Variants in FLVCR1 observed in about 807,000 individuals in gnomAD.
The protein encoded by FLVCR1 is choline/ethanolamine transporter FLVCR1.
A neutral mutation model predicts 53.6 loss-of-function variants in FLVCR1; 34 were observed. The ratio of observed to expected loss-of-function variants is 0.63; its 90% CI spans 0.48 to 0.84. The LOEUF is 0.84. FLVCR1 is among the 40% of genes least tolerant of loss of function. The probability of loss-of-function intolerance (pLI) is 0.00; values close to 1 mark genes in which losing one functional copy is unlikely to be tolerated. For synonymous variants in FLVCR1, 300 were observed against 286.3 expected (o/e 1.05, Z -0.48); for missense variants, 677 against 696.7 (o/e 0.97, Z 0.32).
chr1:212,887,996 G>A lies in FLVCR1; in HGVS notation c.1302G>A (p.Val434=), dbSNP rs377434833. 1 of 1,547,854 alleles carries A rather than the reference G, an allele frequency of 6.5e-7. No individual in the cohort carries two copies. Among genetic ancestry groups the A allele is most frequent in the Non-Finnish European group, 8.9e-7 (1 of 1,120,018 alleles). The part of the protein sequence containing the change: ...YIIIVFVTGG[V]LGFFMTGYLP... ...TCATCGTGTTTGTTACTGGAGGGGT[G>A]CTTGGGTAAGTATCAGATGTGTTTA... Residue 434 remains valine (V), a synonymous_variant, in exon 6 of 10, where the codon GTG becomes GTA. Coordinates refer to ENST00000366971, the MANE Select transcript of FLVCR1 (RefSeq NM_014053.4).
intron 1 of FLVCR1, 101 bp from the exon 2 acceptor site, chr1:212,863,624 C>A: frequency 9.6e-7 from 1 of 1,045,870 alleles, no homozygotes; most frequent in Non-Finnish European, 1.5e-6. Flanking sequence ...TTTCAAAGCA[C>A]CTTTATAAAC....
intron 1 of FLVCR1, 25 bp downstream of exon 1, chr1:212,859,215 A>G (rs1664143053): frequency 6.2e-7 from 1 of 1,613,822 alleles, no homozygotes. Flanking sequence ...GGTAGGTGAA[A>G]GTCAGATCCT....
chr1:212,899,349 A>G lies in FLVCR1; in HGVS notation c.*4059A>G, dbSNP rs1665416793. The G allele has an allele frequency of 6.6e-6, 1 of 152,064 alleles. No individual in the cohort carries two copies. Among genetic ancestry groups the G allele is most frequent in the African/African-American group, 2.4e-5 (1 of 41,426 alleles). The allele number at this position is 152,064 out of a possible 1,614,324, so 9.4% of individuals were successfully genotyped here. ...AGTATTTCAGACTCAAAATAAATTT[A>G]TTTTTTTATGTTAATTTTCTGTGAC... is the stretch of plus-strand genomic sequence containing the variant. On this transcript the variant is annotated 3_prime_UTR_variant, in exon 10 of 10. Transcript: ENST00000366971.
chr1:212,877,228 C>T (rs769300912), intron 3 of FLVCR1, among the ~76,000 whole-genome samples: 4 of 148,888 alleles, frequency 2.7e-5, no homozygotes, highest in South Asian at 2.1e-4. Context: ...CTCTGCCTCC[C>T]GGGTTCACAC....
chr1:212,883,151 C>T (rs4951649), intron 3 of FLVCR1, among the ~76,000 whole-genome samples: 104,182 of 152,032 alleles, frequency 0.69, 37,296 homozygotes, highest in East Asian at 1. Flanking sequence ...TCTGCTATTA[C>T]ATCTTTAGTA....
At chr1:212,875,764 C>T (rs1031816254) in intron 3 of FLVCR1, among the ~76,000 whole-genome samples, 1 of 151,556 alleles carries the variant, frequency 6.6e-6, no homozygotes, top group Non-Finnish European at 1.5e-5. Context: ...TCGCTTGAAC[C>T]CAGGAGGCAA....
rs1664759210 is a variant in FLVCR1 at position 212,876,589 on chromosome 1, CT to C, written c.1024+3772del. ...CCATGTTGGCTAGGCTGGTCTCGAA[CT>C]CCTGACCTCAGGTGATTCACTGCCT... On this transcript the variant is annotated intron_variant, in intron 3 of 9. Coordinates refer to ENST00000366971, the MANE Select transcript of FLVCR1 (RefSeq NM_014053.4). Among the ~76,000 whole-genome samples the C allele has an allele frequency of 3.9e-5, 6 of 152,012 alleles. No individual in the cohort carries two copies. In the South Asian group the frequency reaches 1.2e-3, roughly 31 times the overall value.
At chr1:212,883,247 G>T in intron 3 of FLVCR1, 124 bp from the exon 4 acceptor site, 1 of 670,896 alleles carries the variant, frequency 1.5e-6, no homozygotes. Flanking sequence ...GTTAAGAAAT[G>T]TATTTCCACA....
At chr1:212,876,881 A>G (rs1194018698) in intron 3 of FLVCR1, among the ~76,000 whole-genome samples, 1 of 152,108 alleles carries the variant, frequency 6.6e-6, no homozygotes. Flanking sequence ...GTCAAATGGT[A>G]TTTCTCCTTC....
chr1:212,890,047 G>A (rs1353758736), intron 8 of FLVCR1, among the ~76,000 whole-genome samples: 7 of 152,164 alleles, frequency 4.6e-5, no homozygotes, highest in Non-Finnish European at 8.8e-5. Context: ...TGGTAGTGGT[G>A]GAAATAGTAT....
chr1:212,863,041 A>C (rs1049340494), intron 1 of FLVCR1, among the ~76,000 whole-genome samples: 2 of 152,190 alleles, frequency 1.3e-5, no homozygotes, highest in African/African-American at 2.4e-5. Context: ...AGTTCTTTAT[A>C]TATTCTGGAA....
chr1:212,858,878 C>G lies in FLVCR1; in HGVS notation c.426C>G (p.Thr142=). 6.2e-7 allele frequency: 1 copy of G among 1,614,248 alleles called. No homozygotes were observed. Among genetic ancestry groups the G allele is most frequent in the Non-Finnish European group, 8.5e-7 (1 of 1,180,042 alleles). ...SNVFEGFYGV[T]LLHIDWLSMV... The stretch of plus-strand genomic sequence containing the variant: ...TCTTCGAGGGCTTCTACGGTGTCAC[C>G]TTGCTGCACATCGACTGGCTGTCCA... Residue 142 remains threonine, a synonymous_variant, in exon 1 of 10, where the codon ACC becomes ACG. Coordinates refer to ENST00000366971, the MANE Select transcript of FLVCR1 (RefSeq NM_014053.4).
rs150645228 is a variant in FLVCR1 at position 212,858,798 on chromosome 1, C to T, written c.346C>T (p.Leu116=). 8 of 1,614,112 alleles carry T rather than the reference C, an allele frequency of 5.0e-6. No individual in the cohort carries two copies. In the African/African-American group the frequency reaches 9.3e-5, roughly 19 times the overall value. Residue 116 remains leucine (L), a synonymous_variant, in exon 1 of 10, where the codon CTG becomes TTG. Coordinates refer to ENST00000366971, the MANE Select transcript of FLVCR1 (RefSeq NM_014053.4). ...CTTCGTGGTGCTCCTGATCTTCAGC[C>T]TGTACTCGCTGGTCAACGCCTTTCA... is the stretch of plus-strand genomic sequence containing the variant. ...RRFVVLLIFS[L]YSLVNAFQWI...
chr1:212,887,833 T>C (rs953007283), intron 5 of FLVCR1, 58 bp from the exon 6 acceptor site: 2 of 906,960 alleles, frequency 2.2e-6, no homozygotes, highest in Non-Finnish European at 1.8e-6. Context: ...GAGTGATGAT[T>C]TTTGTATTCC....
chr1:212,894,960 A>G, intron 8 of FLVCR1, 26 bp from the exon 9 acceptor site: 2 of 1,526,186 alleles, frequency 1.3e-6, no homozygotes, highest in Non-Finnish European at 1.8e-6. Context: ...AACAGTTTAT[A>G]GTAACTTGAT....
In FLVCR1 at chr1:212,894,988, T is replaced by C. The variant is rs758323391; in HGVS notation, c.1528T>C (p.Leu510=). The C allele has an allele frequency of 1.4e-5, 22 of 1,601,450 alleles. No homozygotes were observed. Among genetic ancestry groups the C allele is most frequent in the Non-Finnish European group, 1.8e-5 (21 of 1,168,618 alleles). ...AACTTGATGCCCCTCTGTTTCAGCA[T>C]TAATCAAGTCTGATCTGCGAAGACA... ...WMFIGIILTA[L]IKSDLRRHNI... The change falls in exon 9 of 10, where the codon TTA becomes CTA. Residue 510 remains leucine, a splice_region_variant and synonymous_variant. Coordinates refer to ENST00000366971, the MANE Select transcript of FLVCR1 (RefSeq NM_014053.4).
At chr1:212,889,622 G>C (rs1665139573) in intron 8 of FLVCR1, among the ~76,000 whole-genome samples, 1 of 152,072 alleles carries the variant, frequency 6.6e-6, no homozygotes, top group Admixed American at 6.6e-5. Flanking sequence ...GCCAGTTGTG[G>C]TGGCGCACAC....
Position 212,858,365 on chromosome 1 carries a change from G to T in FLVCR1, c.-88G>T. Reference sequence around the variant, plus strand: ...CGGTGGGCCGAGGGGTTGGAGGTGGGGCCCCAGGAGGACCTCGGGCTGTGG... The same window carrying T: ...CGGTGGGCCGAGGGGTTGGAGGTGGTGCCCCAGGAGGACCTCGGGCTGTGG... On this transcript the variant is annotated 5_prime_UTR_variant, in exon 1 of 10. Transcript: ENST00000366971. 2 of 1,267,718 alleles carry T rather than the reference G, an allele frequency of 1.6e-6. No individual in the cohort carries two copies. The highest frequency in any genetic ancestry group is 2.1e-6 in the Non-Finnish European group (2 of 955,244). 78.5% of individuals were successfully genotyped at this position (1,267,718 alleles called of 1,614,324 possible).
In FLVCR1 at chr1:212,859,262, T is replaced by C. The variant is rs1039309275; in HGVS notation, c.738+72T>C. The C allele has an allele frequency of 2.5e-6, 4 of 1,602,246 alleles. No individual in the cohort carries two copies. The African/African-American group carries it at 4.0e-5, about 16-fold the overall frequency. On this transcript the variant is annotated intron_variant, in intron 1 of 9. Coordinates refer to ENST00000366971, the MANE Select transcript of FLVCR1 (RefSeq NM_014053.4). ...AAAAAGTCATAGGCCGTGAGAACTA[T>C]GGCCTGTATGGATGAACTGCCCCAG...
Sources: allele counts gnomAD v4.1 joint callset (sites outside exome capture counted in the v4.1 genomes callset), GRCh38; gene constraint gnomAD v4.1.1; transcripts MANE v1.5; gene names NCBI Gene and HGNC (gene_info 2026-07-23, HGNC 2026-07-21).